Variants in ITFG1 observed in about 807,000 individuals in gnomAD.
ITFG1 encodes integrin alpha FG-GAP repeat containing 1.
In ITFG1, 34 loss-of-function variants were observed where a neutral mutation model predicts 81.8. The ratio of observed to expected loss-of-function variants is 0.42; its 90% CI spans 0.32 to 0.55. ITFG1 has a LOEUF of 0.55. ITFG1 is among the 20% of genes least tolerant of loss of function. The pLI is 0.17. For synonymous variants in ITFG1, 285 were observed against 270.6 expected (o/e 1.05, Z -0.52); for missense variants, 672 against 755.4 (o/e 0.89, Z 1.29).
At chr16:47,248,370 T>G (rs1385617932) in intron 12 of ITFG1, among the ~76,000 whole-genome samples, 6 of 152,170 alleles carry the variant, frequency 3.9e-5, no homozygotes, top group Non-Finnish European at 8.8e-5. Context: ...TGTTTTACAA[T>G]AGGCTCTCTT....
chr16:47,209,135 C>T (rs969104304), intron 14 of ITFG1, among the ~76,000 whole-genome samples: 1 of 152,242 alleles, frequency 6.6e-6, no homozygotes, highest in East Asian at 1.9e-4. Context: ...TTCCCACCTA[C>T]TTTATTACTA....
intron 14 of ITFG1, among the ~76,000 whole-genome samples, chr16:47,193,214 T>A (rs1965314390): frequency 6.6e-6 from 1 of 150,966 alleles, no homozygotes; most frequent in African/African-American, 2.4e-5. Flanking sequence ...TTAATTTTAT[T>A]AAAAAAATTT....
chr16:47,174,018 C>A (rs1964992479), intron 14 of ITFG1, among the ~76,000 whole-genome samples: 1 of 152,090 alleles, frequency 6.6e-6, no homozygotes, highest in African/African-American at 2.4e-5. Context: ...CCAGCCTGGA[C>A]AACAAGAGCA....
At chr16:47,345,816 C>T (rs761909411) in intron 8 of ITFG1, among the ~76,000 whole-genome samples, 9 of 152,242 alleles carry the variant, frequency 5.9e-5, no homozygotes, top group South Asian at 4.1e-4. Flanking sequence ...ATTGTATATG[C>T]GGTCCGTGGT....
intron 6 of ITFG1, chr16:47,426,091 G>A (rs994338963): frequency 1.3e-5 from 2 of 151,982 alleles, no homozygotes; most frequent in African/African-American, 4.8e-5. Flanking sequence ...ATCTCATGAT[G>A]GTAGATACTG....
chr16:47,230,728 G>A (rs1362354958), intron 13 of ITFG1, among the ~76,000 whole-genome samples: 2 of 152,166 alleles, frequency 1.3e-5, no homozygotes, highest in Non-Finnish European at 2.9e-5. Context: ...GTTTAGTGCT[G>A]CAGAGGTCAA....
chr16:47,245,312 G>T (rs557678029), intron 12 of ITFG1, among the ~76,000 whole-genome samples: 3 of 151,734 alleles, frequency 2.0e-5, no homozygotes, highest in Non-Finnish European at 2.9e-5. Flanking sequence ...TCATGCCATT[G>T]CATTCCAGCA....
chr16:47,280,246 G>A (rs1966437754), intron 10 of ITFG1, among the ~76,000 whole-genome samples: 1 of 152,096 alleles, frequency 6.6e-6, no homozygotes, highest in Non-Finnish European at 1.5e-5. Context: ...AAGGTTGGCT[G>A]TAGATTTTTT....
At position 47,349,077 on chromosome 16, in the gene ITFG1, G is replaced by A. The variant is rs1244978245; in HGVS notation, c.802+16711C>T. Among the ~76,000 whole-genome samples the A allele has an allele frequency of 6.6e-5, 10 of 152,210 alleles. No homozygotes were observed. In the South Asian group the frequency reaches 1.2e-3, roughly 19 times the overall value. On this transcript the variant is annotated intron_variant, in intron 8 of 17. Coordinates refer to ENST00000320640, the MANE Select transcript of ITFG1 (RefSeq NM_030790.5). ...TGAAGGAAGCACTAAACATGGAAAGGAACAACCGGTACCAGCCACTGCAAA... is the reference window on the plus strand; with the variant it reads ...TGAAGGAAGCACTAAACATGGAAAGAAACAACCGGTACCAGCCACTGCAAA...
At chr16:47,443,135 A>G (rs1258696974) in intron 5 of ITFG1, among the ~76,000 whole-genome samples, 1 of 152,236 alleles carries the variant, frequency 6.6e-6, no homozygotes, top group Non-Finnish European at 1.5e-5. Context: ...CAGCCAAAAA[A>G]CACATGAAAA....
At chr16:47,338,777 G>T (rs1480258451) in intron 8 of ITFG1, among the ~76,000 whole-genome samples, 8 of 151,764 alleles carry the variant, frequency 5.3e-5, no homozygotes, top group Non-Finnish European at 1.2e-4. Context: ...GGTAAATGGG[G>T]TTTTTCCATT....
At chr16:47,428,392 G>C (rs891643003) in intron 6 of ITFG1, among the ~76,000 whole-genome samples, 5 of 151,988 alleles carry the variant, frequency 3.3e-5, no homozygotes, top group African/African-American at 9.7e-5. Flanking sequence ...CCAATTTTCT[G>C]TTTAAAATTT....
At chr16:47,416,699 G>A (rs1041170150) in intron 6 of ITFG1, among the ~76,000 whole-genome samples, 1 of 152,112 alleles carries the variant, frequency 6.6e-6, no homozygotes, top group Admixed American at 6.5e-5. Flanking sequence ...AATATGATGT[G>A]CTTGCTCTCC....
intron 6 of ITFG1, among the ~76,000 whole-genome samples, chr16:47,397,013 T>C (rs1459339811): frequency 1.3e-5 from 2 of 152,182 alleles, no homozygotes; most frequent in African/African-American, 4.8e-5. Flanking sequence ...TAGAAATTGA[T>C]AGATGCTAGT....
At chr16:47,326,543 T>G (rs1404532212) in intron 8 of ITFG1, among the ~76,000 whole-genome samples, 1 of 152,208 alleles carries the variant, frequency 6.6e-6, no homozygotes, top group Admixed American at 6.5e-5. Context: ...TGTCCCTGTT[T>G]GCAGATGACA....
intron 8 of ITFG1, among the ~76,000 whole-genome samples, chr16:47,317,247 A>G (rs571535180): frequency 6.6e-6 from 1 of 152,320 alleles, no homozygotes; most frequent in South Asian, 2.1e-4. Flanking sequence ...TGATTTAGAG[A>G]AACTAAAACT....
intron 6 of ITFG1, chr16:47,425,892 ATTCCT>A (rs1969014990): frequency 6.6e-6 from 1 of 152,042 alleles, no homozygotes; most frequent in African/African-American, 2.4e-5. Context: ...CACCTGGCCT[ATTCCT>A]TTCATTTTAT....
Position 47,246,939 on chromosome 16 carries a change from C to T in ITFG1, c.1331-8931G>A, listed in dbSNP as rs543136989. Among the ~76,000 whole-genome samples the T allele has an allele frequency of 7.2e-5, 11 of 152,148 alleles. No homozygotes were observed. In the South Asian group the frequency reaches 1.0e-3, roughly 14 times the overall value. Reference sequence around the variant, plus strand: ...CCTCCCAAGTAGCTGGGATTACAGGCGCCTGCCACCACACCTGTATTTTTA... The same window carrying T: ...CCTCCCAAGTAGCTGGGATTACAGGTGCCTGCCACCACACCTGTATTTTTA... On this transcript the variant is annotated intron_variant, in intron 12 of 17. Transcript: ENST00000320640.
Position 47,311,325 on chromosome 16 carries a change from G to GT in ITFG1, c.984dup (p.Pro329ThrfsTer42). On this transcript the variant is annotated frameshift_variant, in exon 10 of 18. Coordinates refer to ENST00000320640, the MANE Select transcript of ITFG1 (RefSeq NM_030790.5). LOFTEE classifies it high-confidence loss of function. ...CCAATATGAAGGGTAATTGGAATTG[G>GT]TATTTCAGTTGGTTGCTGTTCATCC... The GT allele has an allele frequency of 6.2e-7, 1 of 1,613,294 alleles. No homozygotes were observed. Among genetic ancestry groups the GT allele is most frequent in the African/African-American group, 1.3e-5 (1 of 74,972 alleles).
Sources: allele counts gnomAD v4.1 joint callset (sites outside exome capture counted in the v4.1 genomes callset), GRCh38; gene constraint gnomAD v4.1.1; transcripts MANE v1.5; gene names NCBI Gene and HGNC (gene_info 2026-07-23, HGNC 2026-07-21).